The following AKAP6 variants were observed in gnomAD, a reference collection of about 807,000 sequenced individuals.
AKAP6 encodes A-kinase anchoring protein 6, also known as A-kinase anchor protein 6.
A neutral mutation model predicts 188.5 loss-of-function variants in AKAP6; 58 were observed. The observed-to-expected ratio is 0.31, with a 90% CI of 0.25 to 0.38. AKAP6 has a LOEUF of 0.38. AKAP6 is among the 10% of genes least tolerant of loss of function. The pLI is 1.00. For synonymous variants in AKAP6, 989 were observed against 998.6 expected (o/e 0.99, Z 0.18); for missense variants, 2,710 against 2,740.0 (o/e 0.99, Z 0.24).
At chr14:32,569,893 T>A (rs902721261) in intron 4 of AKAP6, among the ~76,000 whole-genome samples, 11 of 152,144 alleles carry the variant, frequency 7.2e-5, no homozygotes, top group Non-Finnish European at 1.6e-4. Flanking sequence ...GTAGCCCGTT[T>A]TGAAAAATTA....
At chr14:32,772,627 C>T (rs912310593) in intron 11 of AKAP6, among the ~76,000 whole-genome samples, 5 of 152,104 alleles carry the variant, frequency 3.3e-5, no homozygotes, top group African/African-American at 7.2e-5. Context: ...CACATTTCAG[C>T]GCACCACACT....
At position 32,822,844 on chromosome 14, in the gene AKAP6, A is replaced by G. The variant is rs199810535; in HGVS notation, c.5031A>G (p.Ala1677=). The G allele has an allele frequency of 4.5e-5, 73 of 1,613,966 alleles. No homozygotes were observed. The highest frequency in any genetic ancestry group is 6.2e-5 in the Non-Finnish European group (73 of 1,179,932). The change falls in exon 13 of 14, where the codon GCA becomes GCG. Residue 1677 remains alanine, a synonymous_variant. Coordinates refer to ENST00000280979, the MANE Select transcript of AKAP6 (RefSeq NM_004274.5). ...SFTGQMSLDI[A]SSINEDSAAS... ...CTGGCCAGATGTCATTGGACATAGC[A>G]TCTTCTATCAATGAAGACTCAGCGG...
At chr14:32,372,699 A>G (rs1391492623) in intron 1 of AKAP6, among the ~76,000 whole-genome samples, 2 of 152,034 alleles carry the variant, frequency 1.3e-5, no homozygotes, top group Non-Finnish European at 2.9e-5. Flanking sequence ...TAGGAACCCC[A>G]CAAGCAAAAT....
intron 3 of AKAP6, among the ~76,000 whole-genome samples, chr14:32,542,787 T>G (rs1481578740): frequency 1.3e-5 from 2 of 152,240 alleles, no homozygotes; most frequent in Admixed American, 6.5e-5. Flanking sequence ...GAAAGGGTTT[T>G]GGTTGTGTTT....
chr14:32,401,371 C>T (rs1889086633), intron 1 of AKAP6, among the ~76,000 whole-genome samples: 1 of 152,132 alleles, frequency 6.6e-6, no homozygotes, highest in East Asian at 1.9e-4. Flanking sequence ...TACCTGCCAC[C>T]CCCAGCTACA....
rs778721486 is a variant in AKAP6 at position 32,546,882 on chromosome 14, A to C, written c.2229A>C (p.Arg743Ser). The part of the protein sequence containing the change: ...MKKYADEKSE[R>S]ASSSEKNESH... ...AGTATGCTGATGAGAAGTCAGAAAG[A>C]GCTTCATCCTCTGAGAAAAATGAGA... The change falls in exon 4 of 14, where the codon AGA becomes AGC. Residue 743 changes from arginine to serine, a missense_variant. Transcript: ENST00000280979. The C allele has an allele frequency of 1.6e-4, 258 of 1,613,994 alleles. No individual in the cohort carries two copies. The highest frequency in any genetic ancestry group is 1.4e-3 in the South Asian group (124 of 91,084).
At chr14:32,540,259 C>A (rs1233197695) in intron 3 of AKAP6, among the ~76,000 whole-genome samples, 2 of 149,024 alleles carry the variant, frequency 1.3e-5, no homozygotes, top group Admixed American at 1.3e-4. Flanking sequence ...AGTGCAGTGG[C>A]ACGATCTTGG....
intron 4 of AKAP6, among the ~76,000 whole-genome samples, chr14:32,565,893 T>G (rs1292074626): frequency 1.3e-5 from 2 of 152,176 alleles, no homozygotes; most frequent in Admixed American, 1.3e-4. Context: ...CCTCTATTCT[T>G]TTTCTGAATC....
At chr14:32,470,796 T>C (rs1188497517) in intron 2 of AKAP6, among the ~76,000 whole-genome samples, 1 of 152,222 alleles carries the variant, frequency 6.6e-6, no homozygotes, top group East Asian at 1.9e-4. Context: ...TAAGTCTAAA[T>C]TTTCTTTTAC....
intron 4 of AKAP6, among the ~76,000 whole-genome samples, chr14:32,561,470 G>A (rs549096395): frequency 6.0e-4 from 91 of 152,258 alleles, no homozygotes; most frequent in Non-Finnish European, 1.1e-3. Context: ...CTAACTGTGA[G>A]GAATAACTAA....
At chr14:32,464,912 C>A (rs1175413918) in intron 2 of AKAP6, among the ~76,000 whole-genome samples, 1 of 152,200 alleles carries the variant, frequency 6.6e-6, no homozygotes, top group African/African-American at 2.4e-5. Flanking sequence ...GATACAAAAT[C>A]AATGTGCAAA....
intron 12 of AKAP6, among the ~76,000 whole-genome samples, chr14:32,795,733 A>C (rs1322217949): frequency 6.6e-6 from 1 of 152,200 alleles, no homozygotes; most frequent in South Asian, 2.1e-4. Context: ...CAAGACAAGG[A>C]TGCCCTCTGT....
chr14:32,554,185 G>A (rs746762283), intron 4 of AKAP6, among the ~76,000 whole-genome samples: 1 of 152,232 alleles, frequency 6.6e-6, no homozygotes, highest in African/African-American at 2.4e-5. Flanking sequence ...ACTCAGCCAT[G>A]GTGTTTGTCT....
At chr14:32,811,217 T>C (rs534613663) in intron 12 of AKAP6, among the ~76,000 whole-genome samples, 5 of 100,082 alleles carry the variant, frequency 5.0e-5, no homozygotes, top group African/African-American at 1.6e-4. Flanking sequence ...CCAGCCTGGG[T>C]GACAGAGCGA....
chr14:32,546,083 A>T lies in AKAP6; in HGVS notation c.1430A>T (p.Glu477Val), dbSNP rs1480400031. 2.5e-6 allele frequency: 4 copies of T among 1,614,112 alleles called. No homozygotes were observed. The highest frequency in any genetic ancestry group is 2.2e-5 in the East Asian group (1 of 44,894). Residue 477 changes from glutamate (E) to valine (V), a missense_variant, in exon 4 of 14, where the codon GAA (glutamate) becomes GTA (valine). Physicochemically the swap from Glu to Val is moderately radical, Grantham distance 121. Coordinates refer to ENST00000280979, the MANE Select transcript of AKAP6 (RefSeq NM_004274.5). ...LENTVKFHIK[E>V]ISSSLGRLND... ...AACACAGTCAAATTTCACATTAAAG[A>T]AATTTCTTCCAGCCTGGGAAGGCTT...
At chr14:32,663,414 A>G (rs915290054) in intron 7 of AKAP6, among the ~76,000 whole-genome samples, 3 of 152,084 alleles carry the variant, frequency 2.0e-5, no homozygotes, top group Admixed American at 1.3e-4. Flanking sequence ...GGTGATGTCA[A>G]AAGAAATCTG....
intron 12 of AKAP6, among the ~76,000 whole-genome samples, chr14:32,788,843 T>C (rs2033516343): frequency 6.6e-6 from 1 of 152,294 alleles, no homozygotes; most frequent in East Asian, 1.9e-4. Flanking sequence ...GGAAGGGTGC[T>C]GAATTCAGGG....
chr14:32,384,706 A>G (rs1218730080), intron 1 of AKAP6, among the ~76,000 whole-genome samples: 2 of 152,020 alleles, frequency 1.3e-5, no homozygotes, highest in African/African-American at 4.8e-5. Flanking sequence ...GTTCAGCTCC[A>G]CCCTTCAATG....
intron 12 of AKAP6, among the ~76,000 whole-genome samples, chr14:32,795,440 C>A (rs2033736967): frequency 6.6e-6 from 1 of 152,166 alleles, no homozygotes; most frequent in Admixed American, 6.5e-5. Flanking sequence ...GCTTATCCAC[C>A]ACAATCAAGT....
Sources: allele counts gnomAD v4.1 joint callset (sites outside exome capture counted in the v4.1 genomes callset), GRCh38; gene constraint gnomAD v4.1.1; transcripts MANE v1.5; gene names NCBI Gene and HGNC (gene_info 2026-07-23, HGNC 2026-07-21).